C4orf36: variants seen among roughly 807,000 people sequenced by gnomAD.
C4orf36 encodes chromosome 4 open reading frame 36, also known as uncharacterized protein C4orf36.
In C4orf36, 11 loss-of-function variants were observed where a neutral mutation model predicts 12.2. The ratio of observed to expected loss-of-function variants is 0.90; its 90% CI spans 0.57 to 1.49. The LOEUF (loss-of-function observed/expected upper bound fraction) is 1.49, where lower values mean the gene tolerates loss of function less well. C4orf36 is among the 40% of genes most tolerant of loss of function. The pLI is 0.00. For missense variants in C4orf36, 137 were observed against 133.9 expected, an observed-to-expected ratio of 1.02 and a Z score of -0.11; for synonymous variants, 54 against 51.3, an observed-to-expected ratio of 1.05 and a Z score of -0.22.
chr4:86,926,561 C>T, the C4orf36 span, among the ~76,000 whole-genome samples: 2 of 152,178 alleles, frequency 1.3e-5, no homozygotes, highest in South Asian at 4.1e-4. Context: ...AGGTTATGGT[C>T]CTCATAGATA....
At chr4:86,894,555 G>A (rs929753952), upstream of C4orf36, among the ~76,000 whole-genome samples, 3 of 152,138 alleles carry the variant, frequency 2.0e-5, no homozygotes, top group Non-Finnish European at 4.4e-5. Flanking sequence ...TAGGTCTAGG[G>A]CCACACCAGA....
the C4orf36 span, among the ~76,000 whole-genome samples, chr4:86,926,762 T>G: frequency 2.0e-5 from 3 of 152,324 alleles, no homozygotes; most frequent in South Asian, 2.1e-4. Flanking sequence ...TACCGGGTCA[T>G]TCTCAGGGTA....
the C4orf36 span, among the ~76,000 whole-genome samples, chr4:86,921,625 A>G: frequency 6.6e-6 from 1 of 152,122 alleles, no homozygotes; most frequent in Non-Finnish European, 1.5e-5. Flanking sequence ...CAATTAATAA[A>G]CTCAGTATTA....
At chr4:86,909,408 A>G in the C4orf36 span, among the ~76,000 whole-genome samples, 1 of 152,162 alleles carries the variant, frequency 6.6e-6, no homozygotes, top group Non-Finnish European at 1.5e-5. Flanking sequence ...TTCCTACATA[A>G]CAAACAGCAA....
chr4:86,911,185 G>A, the C4orf36 span, among the ~76,000 whole-genome samples: 1 of 152,186 alleles, frequency 6.6e-6, no homozygotes, highest in Non-Finnish European at 1.5e-5. Flanking sequence ...AACAGCTGTG[G>A]GGAAGTGGAG....
chr4:86,909,364 T>G, the C4orf36 span, among the ~76,000 whole-genome samples: 2 of 152,150 alleles, frequency 1.3e-5, no homozygotes, highest in Non-Finnish European at 2.9e-5. Context: ...CTCAAAAGCT[T>G]CTTTGAGTGG....
the C4orf36 span, chr4:86,914,387 CTTCCTTTT>C: frequency 2.1e-6 from 1 of 467,476 alleles, no homozygotes; most frequent in South Asian, 2.1e-5. Context: ...CGTTCTTCTT[CTTCCTTTT>C]TTTTTTTTTT....
chr4:86,924,394 T>C, the C4orf36 span, among the ~76,000 whole-genome samples: 1 of 152,152 alleles, frequency 6.6e-6, no homozygotes, highest in East Asian at 1.9e-4. Flanking sequence ...ACAGATGGGG[T>C]TTCACCATGT....
At chr4:86,924,344 C>T in the C4orf36 span, among the ~76,000 whole-genome samples, 6 of 152,174 alleles carry the variant, frequency 3.9e-5, no homozygotes, top group Non-Finnish European at 7.3e-5. Flanking sequence ...GGATTACAGA[C>T]GTGCATCGGC....
chr4:86,892,554 G>T, upstream of C4orf36: 2 of 779,950 alleles, frequency 2.6e-6, no homozygotes, highest in Non-Finnish European at 3.1e-6. Context: ...GCCGGGGCAG[G>T]CCGCGCTCTC....
the C4orf36 span, among the ~76,000 whole-genome samples, chr4:86,901,468 C>T: frequency 7.2e-5 from 11 of 151,790 alleles, no homozygotes; most frequent in African/African-American, 2.2e-4. Context: ...AGTCCAGTGG[C>T]GCGATCTCGG....
At chr4:86,886,659 T>C (rs1338310903) in intron 4 of C4orf36, 1 of 152,178 alleles carries the variant, frequency 6.6e-6, no homozygotes, top group East Asian at 1.9e-4. Flanking sequence ...TTTTACACTG[T>C]TGGTGGGACT....
the C4orf36 span, among the ~76,000 whole-genome samples, chr4:86,917,330 T>G: frequency 8.7e-4 from 115 of 132,178 alleles, no homozygotes; most frequent in African/African-American, 2.5e-3. Context: ...GAGAGAGAGA[T>G]GAAGGAAGGA....
At position 86,889,514 on chromosome 4, in the gene C4orf36, G is replaced by A. The variant is rs79798709; in HGVS notation, c.66-1239C>T. ...TACATAGCACCTACTACTAGGCACT[G>A]TTTTAAGCAATTTACACACATGAAC... On this transcript the variant is annotated intron_variant, in intron 2 of 4. Transcript: ENST00000295898. Among the ~76,000 whole-genome samples, 14 of 152,296 alleles carry A rather than the reference G, an allele frequency of 9.2e-5. No individual in the cohort carries two copies. In the East Asian group the frequency reaches 2.7e-3, roughly 29 times the overall value.
the C4orf36 span, chr4:86,925,119 C>T: frequency 2.6e-5 from 4 of 152,198 alleles, no homozygotes; most frequent in Admixed American, 2.6e-4. Context: ...GAAATCTGCC[C>T]CCATGATCCA....
the C4orf36 span, among the ~76,000 whole-genome samples, chr4:86,921,430 A>T: frequency 6.6e-6 from 1 of 152,222 alleles, no homozygotes; most frequent in African/African-American, 2.4e-5. Context: ...TCATCAGTTA[A>T]AAAACAGGGC....
chr4:86,929,319 T>C, the C4orf36 span, among the ~76,000 whole-genome samples: 1 of 152,212 alleles, frequency 6.6e-6, no homozygotes, highest in Non-Finnish European at 1.5e-5. Flanking sequence ...CTTGGCACAA[T>C]CCATTTCTTA....
the C4orf36 span, among the ~76,000 whole-genome samples, chr4:86,919,315 C>CTTTTTTTTTTTTT: frequency 3.1e-4 from 25 of 81,356 alleles, no homozygotes; most frequent in East Asian, 3.9e-4. Context: ...TTTTTTCCCC[C>CTTTTTTTTTTTTT]TTTTTTTTTT....
the C4orf36 span, among the ~76,000 whole-genome samples, chr4:86,903,913 A>G: frequency 6.6e-6 from 1 of 152,136 alleles, no homozygotes; most frequent in African/African-American, 2.4e-5. Context: ...CTAGCTAGAC[A>G]CAGAGCGCTG....
Sources: gnomAD v4.1 joint callset for allele counts (sites outside exome capture counted in the v4.1 genomes callset) on GRCh38, gnomAD v4.1.1 for gene constraint, MANE v1.5 for transcripts, NCBI Gene and HGNC (gene_info 2026-07-23, HGNC 2026-07-21) for gene names.